Variants in OR5AU1 observed in about 807,000 individuals in gnomAD.
OR5AU1 encodes olfactory receptor family 5 subfamily AU member 1, also known as olfactory receptor 5AU1.
For synonymous variants in OR5AU1, 169 were observed against 152.0 expected, an observed-to-expected ratio of 1.11 and a Z score of -0.82; for missense variants, 415 against 374.2, an observed-to-expected ratio of 1.11 and a Z score of -0.90.
chr14:21,154,978 T>C lies in OR5AU1; in HGVS notation c.895A>G (p.Lys299Glu), dbSNP rs1361757267. The change falls in exon 1 of 1, where the codon AAA becomes GAA. Residue 299 changes from lysine (K) to glutamate (E), a missense_variant. Coordinates refer to ENST00000304418, the MANE Select transcript of OR5AU1 (RefSeq NM_001004731.3). ...MYSLRNKDVK[K>E]ALIKVWGRKT... is the part of the protein sequence containing the mutation. ...CTACCCCAAACCTTTATTAAAGCTT[T>C]CTTCACATCCTTGTTTCTCAAAGAG... is the stretch of plus-strand genomic sequence containing the variant. 6.2e-7 allele frequency: 1 copy of C among 1,612,624 alleles called. No individual in the cohort carries two copies. Among genetic ancestry groups the C allele is most frequent in the South Asian group, 1.1e-5 (1 of 91,050 alleles).
In OR5AU1 at chr14:21,155,028, A is replaced by G. The variant is rs547683895; in HGVS notation, c.845T>C (p.Ile282Thr). The G allele has an allele frequency of 6.2e-7, 1 of 1,614,146 alleles. No individual in the cohort carries two copies. The highest frequency in any genetic ancestry group is 1.3e-5 in the African/African-American group (1 of 75,034). Residue 282 changes from isoleucine (I) to threonine (T), a missense_variant, in exon 1 of 1, where the codon ATC becomes ACC. Physicochemically the swap from Ile to Thr is moderately conservative, Grantham distance 89. Transcript: ENST00000304418. Reference sequence around the variant, plus strand: ...GTACATGAGGGGGTTCAGCACTGGGATCACCACTGTGTAGATGACAGCAAC... The same window carrying G: ...GTACATGAGGGGGTTCAGCACTGGGGTCACCACTGTGTAGATGACAGCAAC... ...RTVAVIYTVV[I>T]PVLNPLMYSL...
rs1233736142 is a variant in OR5AU1 at position 21,155,599 on chromosome 14, T to C, written c.274A>G (p.Ile92Val). 6.2e-7 allele frequency: 1 copy of C among 1,614,028 alleles called. No individual in the cohort carries two copies. The highest frequency in any genetic ancestry group is 8.5e-7 in the Non-Finnish European group (1 of 1,179,992). ...TGAGTCATGCAGCCAAAATAAGAGA[T>C]CACTTTCCTCTTGGCCAAGAAGTTC... ...LVNFLAKRKV[I>V]SYFGCMTQMF... The change falls in exon 1 of 1, where the codon ATC becomes GTC. Residue 92 changes from isoleucine to valine, a missense_variant. Transcript: ENST00000304418.
rs755226149 is a variant in OR5AU1, at chr14:21,155,305, C to T, written c.568G>A (p.Val190Ile). ...DGPPILSLSC[V>I]DTSLCEILLF... ...AGGATCTCACACAGTGAGGTGTCTA[C>T]ACAAGACAAGGACAGGATGGGTGGC... Residue 190 changes from valine to isoleucine, a missense_variant, in exon 1 of 1, where the codon GTA (valine) becomes ATA (isoleucine). Transcript: ENST00000304418. 1.2e-6 allele frequency: 2 copies of T among 1,614,064 alleles called. No individual in the cohort carries two copies. Among genetic ancestry groups the T allele is most frequent in the East Asian group, 2.2e-5 (1 of 44,878 alleles).
chr14:21,155,583 C>A lies in OR5AU1; in HGVS notation c.290G>T (p.Cys97Phe), dbSNP rs188027632. The A allele has an allele frequency of 2.3e-5, 37 of 1,614,152 alleles. No individual in the cohort carries two copies. The East Asian group carries it at 7.8e-4, about 34-fold the overall frequency. The change falls in exon 1 of 1, where the codon TGC (cysteine) becomes TTC (phenylalanine). Residue 97 changes from cysteine (C) to phenylalanine (F), a missense_variant. Cys to Phe is a radical substitution (Grantham distance 205). Coordinates refer to ENST00000304418, the MANE Select transcript of OR5AU1 (RefSeq NM_001004731.3). ...AKRKVISYFG[C>F]MTQMFFYAGF... ...CGCATAGAAGAACATCTGAGTCATG[C>A]AGCCAAAATAAGAGATCACTTTCCT...
In OR5AU1 at chr14:21,155,678, G is replaced by A. The variant is rs150580198; in HGVS notation, c.195C>T (p.Ser65=). 505 of 1,614,110 alleles carry A rather than the reference G, an allele frequency of 3.1e-4. 1 individual carries two copies. The African/African-American group carries it at 6.1e-3, about 19-fold the overall frequency. The part of the protein sequence containing the change: ...LHTPMYSLLK[S]LSFLDFCYSS... ...AGTAGCAGAAATCCAAGAAGGAGAG[G>A]CTCTTCAGGAGGGAGTACATGGGTG... Residue 65 remains serine, a synonymous_variant, in exon 1 of 1, where the codon AGC becomes AGT. Coordinates refer to ENST00000304418, the MANE Select transcript of OR5AU1 (RefSeq NM_001004731.3).
Position 21,155,842 on chromosome 14 carries a change from C to G in OR5AU1, c.31G>C (p.Glu11Gln), listed in dbSNP as rs764630917. MKGANLSQGM[E>Q]FELLGLTTDP... is the part of the protein sequence containing the mutation. ...GTGGTGAGGCCCAAGAGCTCAAACT[C>G]CATCCCTTGGCTCAGGTTTGCCCCT... The change falls in exon 1 of 1, where the codon GAG (glutamate) becomes CAG (glutamine). Residue 11 changes from glutamate (E) to glutamine (Q), a missense_variant. Glu to Gln is a conservative substitution (Grantham distance 29, BLOSUM62 2). Coordinates refer to ENST00000304418, the MANE Select transcript of OR5AU1 (RefSeq NM_001004731.3). 1.2e-6 allele frequency: 2 copies of G among 1,614,158 alleles called. No homozygotes were observed. Among genetic ancestry groups the G allele is most frequent in the East Asian group, 2.2e-5 (1 of 44,876 alleles).
chr14:21,155,245 A>G lies in OR5AU1; in HGVS notation c.628T>C (p.Cys210Arg), dbSNP rs375536758. ...FIFAGFNLLS[C>R]TLTILISYFL... The stretch of plus-strand genomic sequence containing the variant: ...TAGGAGATCAAGATGGTGAGGGTGC[A>G]GCTCAAAAGGTTGAAACCAGCAAAA... Residue 210 changes from cysteine to arginine, a missense_variant, in exon 1 of 1, where the codon TGC becomes CGC. Transcript: ENST00000304418. 1 of 1,614,084 alleles carries G rather than the reference A, an allele frequency of 6.2e-7. No homozygotes were observed. The highest frequency in any genetic ancestry group is 1.3e-5 in the African/African-American group (1 of 75,064).
In OR5AU1 at chr14:21,155,393, A is replaced by T. The variant is rs746302835; in HGVS notation, c.480T>A (p.Thr160=). The T allele has an allele frequency of 2.5e-6, 4 of 1,614,136 alleles. No individual in the cohort carries two copies. The highest frequency in any genetic ancestry group is 3.4e-6 in the Non-Finnish European group (4 of 1,180,002). ...AGAATTTCAGACTAAAGATACAGCCAGTGTGGATAAGAGAATTGAGGAATC... is the reference window on the plus strand; with the variant it reads ...AGAATTTCAGACTAAAGATACAGCCTGTGTGGATAAGAGAATTGAGGAATC... ...SAGFLNSLIH[T]GCIFSLKFCG... is the part of the protein sequence containing the mutation. The change falls in exon 1 of 1, where the codon ACT becomes ACA. Residue 160 remains threonine, a synonymous_variant. Transcript: ENST00000304418.
Position 21,155,905 on chromosome 14 carries a change from G to T in OR5AU1, c.-33C>A, listed in dbSNP as rs746108308. The T allele has an allele frequency of 6.8e-6, 11 of 1,614,028 alleles. No individual in the cohort carries two copies. Among genetic ancestry groups the T allele is most frequent in the South Asian group, 3.3e-5 (3 of 91,084 alleles). On this transcript the variant is annotated 5_prime_UTR_variant, in exon 1 of 1. Transcript: ENST00000304418. ...CAGTGCTCTGCGATGGAGAAAGAAGGCACCACCATAAATGAGGTTGAACAC... is the reference window on the plus strand; with the variant it reads ...CAGTGCTCTGCGATGGAGAAAGAAGTCACCACCATAAATGAGGTTGAACAC...
chr14:21,156,052 T>A lies in OR5AU1; in HGVS notation c.-180A>T, dbSNP rs201574329. 6.3e-7 allele frequency: 1 copy of A among 1,587,816 alleles called. No individual in the cohort carries two copies. The highest frequency in any genetic ancestry group is 8.6e-7 in the Non-Finnish European group (1 of 1,164,422). On this transcript the variant is annotated 5_prime_UTR_variant, in exon 1 of 1. Coordinates refer to ENST00000304418, the MANE Select transcript of OR5AU1 (RefSeq NM_001004731.3). ...GAGAGGATCTTTTCTCCTTGGTTGG[T>A]TGGTTAGTTGGTAAGCATTACTTAA...
chr14:21,155,349 G>A lies in OR5AU1; in HGVS notation c.524C>T (p.Thr175Ile), dbSNP rs776358518. 2 of 1,614,026 alleles carry A rather than the reference G, an allele frequency of 1.2e-6. No individual in the cohort carries two copies. The highest frequency in any genetic ancestry group is 2.2e-5 in the East Asian group (1 of 44,870). The change falls in exon 1 of 1, where the codon ACT becomes ATT. Residue 175 changes from threonine (T) to isoleucine (I), a missense_variant. Transcript: ENST00000304418. ...SLKFCGAHVVTHFFCDGPPIL... is the reference protein window; with the variant it reads ...SLKFCGAHVVIHFFCDGPPIL... Reference sequence around the variant, plus strand: ...GGGTGGCCCATCACAGAAGAAGTGAGTGACGACATGAGCACCGCAGAATTT... The same window carrying A: ...GGGTGGCCCATCACAGAAGAAGTGAATGACGACATGAGCACCGCAGAATTT...
chr14:21,155,840 C>T lies in OR5AU1; in HGVS notation c.33G>A (p.Glu11=). 1 of 1,614,186 alleles carries T rather than the reference C, an allele frequency of 6.2e-7. No individual in the cohort carries two copies. The highest frequency in any genetic ancestry group is 8.5e-7 in the Non-Finnish European group (1 of 1,180,020). The change falls in exon 1 of 1, where the codon GAG becomes GAA. Residue 11 remains glutamate (E), a synonymous_variant. Coordinates refer to ENST00000304418, the MANE Select transcript of OR5AU1 (RefSeq NM_001004731.3). The part of the protein sequence containing the change: MKGANLSQGM[E]FELLGLTTDP... ...CAGTGGTGAGGCCCAAGAGCTCAAA[C>T]TCCATCCCTTGGCTCAGGTTTGCCC...
rs1286169519 is a variant in OR5AU1, at chr14:21,155,627, C to A, written c.246G>T (p.Leu82=). The part of the protein sequence containing the change: ...CYSSTVVPQT[L]VNFLAKRKVI... Reference sequence around the variant, plus strand: ...CTTTCCTCTTGGCCAAGAAGTTCACCAGGGTCTGGGGCACAACCGTGGAGG... The same window carrying A: ...CTTTCCTCTTGGCCAAGAAGTTCACAAGGGTCTGGGGCACAACCGTGGAGG... The change falls in exon 1 of 1, where the codon CTG becomes CTT. Residue 82 remains leucine, a synonymous_variant. Transcript: ENST00000304418. The A allele has an allele frequency of 3.1e-6, 5 of 1,614,166 alleles. No homozygotes were observed. Among genetic ancestry groups the A allele is most frequent in the Non-Finnish European group, 4.2e-6 (5 of 1,180,030 alleles).
chr14:21,155,559 G>A lies in OR5AU1; in HGVS notation c.314C>T (p.Ala105Val), dbSNP rs146017799. 7.2e-5 allele frequency: 116 copies of A among 1,614,154 alleles called. No individual in the cohort carries two copies. Among genetic ancestry groups the A allele is most frequent in the Middle Eastern group, 6.6e-4 (4 of 6,062 alleles). Reference protein sequence around the residue: ...FGCMTQMFFYAGFATSECYLI... With the variant: ...FGCMTQMFFYVGFATSECYLI... ...ATAGCACTCACTGGTGGCAAAACCC[G>A]CATAGAAGAACATCTGAGTCATGCA... The change falls in exon 1 of 1, where the codon GCG becomes GTG. Residue 105 changes from alanine to valine, a missense_variant. Physicochemically the swap from Ala to Val is moderately conservative, Grantham distance 64 (BLOSUM62 0). Transcript: ENST00000304418.
rs1406889334 is a variant in OR5AU1, at chr14:21,155,899, A to G, written c.-27T>C. Reference sequence around the variant, plus strand: ...CTTCTCCAGTGCTCTGCGATGGAGAAAGAAGGCACCACCATAAATGAGGTT... The same window carrying G: ...CTTCTCCAGTGCTCTGCGATGGAGAGAGAAGGCACCACCATAAATGAGGTT... On this transcript the variant is annotated 5_prime_UTR_variant, in exon 1 of 1. Transcript: ENST00000304418. The G allele has an allele frequency of 6.2e-7, 1 of 1,614,168 alleles. No homozygotes were observed.
chr14:21,155,765 T>G lies in OR5AU1; in HGVS notation c.108A>C (p.Thr36=), dbSNP rs17102038. The G allele has an allele frequency of 2.0e-3, 3,291 of 1,614,080 alleles. 75 individuals carry two copies. The African/African-American group carries it at 0.039, about 19-fold the overall frequency. ...TGACCAGGTTCCCCAGCAGAGTGGC[T>G]GTGTACATGCCCAGGAACACCACGA... is the stretch of plus-strand genomic sequence containing the variant. ...LLFVVFLGMY[T]ATLLGNLVMF... Residue 36 remains threonine (T), a synonymous_variant, in exon 1 of 1, where the codon ACA becomes ACC. Coordinates refer to ENST00000304418, the MANE Select transcript of OR5AU1 (RefSeq NM_001004731.3).
rs753846350 is a variant in OR5AU1 at position 21,155,983 on chromosome 14, G to A, written c.-111C>T. On this transcript the variant is annotated 5_prime_UTR_variant, in exon 1 of 1. Coordinates refer to ENST00000304418, the MANE Select transcript of OR5AU1 (RefSeq NM_001004731.3). ...CCTAAGGACAGCCTTCTGAAGATGAGTCTTATTGAGGGCATTTGGCTTTGC... is the reference window on the plus strand; with the variant it reads ...CCTAAGGACAGCCTTCTGAAGATGAATCTTATTGAGGGCATTTGGCTTTGC... 1.2e-6 allele frequency: 2 copies of A among 1,614,086 alleles called. No individual in the cohort carries two copies. Among genetic ancestry groups the A allele is most frequent in the Admixed American group, 3.3e-5 (2 of 60,032 alleles).
chr14:21,155,437 C>T lies in OR5AU1; in HGVS notation c.436G>A (p.Val146Met). The stretch of plus-strand genomic sequence containing the variant: ...AGGAATCCTGCACTGTAGGAGCCCA[C>T]AATCAGCGAGGCACAGACCTCAGGA... ...MSPEVCASLIVGSYSAGFLNS... is the reference protein window; with the variant it reads ...MSPEVCASLIMGSYSAGFLNS... The change falls in exon 1 of 1, where the codon GTG becomes ATG. Residue 146 changes from valine to methionine, a missense_variant. Physicochemically the swap from Val to Met is conservative, Grantham distance 21. Transcript: ENST00000304418. 6.2e-7 allele frequency: 1 copy of T among 1,614,110 alleles called. No individual in the cohort carries two copies. Among genetic ancestry groups the T allele is most frequent in the South Asian group, 1.1e-5 (1 of 91,076 alleles).
In OR5AU1 at chr14:21,155,492, AC is replaced by A. The variant is rs774579386; in HGVS notation, c.380del (p.Cys127LeufsTer18). The A allele has an allele frequency of 1.2e-6, 2 of 1,614,182 alleles. No homozygotes were observed. ...TGATGGTTGAGTAGAGCAGGGGGTTACAAATAGCGGCATAGCGGTCATAGGC... is the reference window on the plus strand; with the variant it reads ...TGATGGTTGAGTAGAGCAGGGGGTTAAAATAGCGGCATAGCGGTCATAGGC... ...AMAYDRYAAI[C>X]NPLLYSTIMS... On this transcript the variant is annotated frameshift_variant, in exon 1 of 1. Coordinates refer to ENST00000304418, the MANE Select transcript of OR5AU1 (RefSeq NM_001004731.3). LOFTEE classifies it low-confidence loss of function (END_TRUNC).
Sources: allele counts gnomAD v4.1 joint callset, GRCh38; gene constraint gnomAD v4.1.1; transcripts MANE v1.5; gene names NCBI Gene and HGNC (gene_info 2026-07-23, HGNC 2026-07-21).